The following TNS1 variants were observed in gnomAD, a reference collection of about 807,000 sequenced individuals.
TNS1 encodes tensin-1.
TNS1 carries 62 observed loss-of-function variants against 168.6 expected under a neutral mutation model. The ratio of observed to expected loss-of-function variants is 0.37; its 90% CI spans 0.30 to 0.45. The LOEUF is 0.45. TNS1 is among the 20% of genes least tolerant of loss of function. The pLI is 1.00. For missense variants in TNS1, 2,240 were observed against 2,339.4 expected (o/e 0.96, Z 0.88); for synonymous variants, 934 against 933.2 (o/e 1.00, Z -0.02).
At chr2:218,016,097 A>C (rs1958757512) in intron 1 of TNS1, among the ~76,000 whole-genome samples, 1 of 152,036 alleles carries the variant, frequency 6.6e-6, no homozygotes, top group Non-Finnish European at 1.5e-5. Context: ...GCCCGGTGGC[A>C]TCAGCACTAG....
intron 8 of TNS1, among the ~76,000 whole-genome samples, chr2:217,895,913 G>T (rs1952246273): frequency 1.3e-5 from 2 of 152,202 alleles, no homozygotes; most frequent in Non-Finnish European, 2.9e-5. Flanking sequence ...AGGGCACCAA[G>T]TCCCATAGAA....
intron 5 of TNS1, 31 bp from the exon 6 acceptor site, chr2:217,906,416 G>T (rs748666972): frequency 1.4e-6 from 1 of 702,706 alleles, no homozygotes; most frequent in African/African-American, 1.7e-5. Context: ...GTCAGAGAGG[G>T]GAGGCAAGAA....
At chr2:217,842,264 T>C in intron 19 of TNS1, 1 of 578,502 alleles carries the variant, frequency 1.7e-6, no homozygotes, top group Non-Finnish European at 3.1e-6. Context: ...CCTCTTCTCC[T>C]TAAACTCCTG....
At chr2:217,806,321 T>A (rs1939077110) in intron 32 of TNS1, among the ~76,000 whole-genome samples, 1 of 152,210 alleles carries the variant, frequency 6.6e-6, no homozygotes, top group Non-Finnish European at 1.5e-5. Flanking sequence ...AGATCTAACA[T>A]CTCCTTGAAT....
rs182071654 is a variant in TNS1 at position 217,966,075 on chromosome 2, C to A, written c.186+12690G>T. ...TCTCTCTGCTCTGGGCTCCTACCCT[C>A]CCCCTCTCTCTAACTCCTCTGGTCT... On this transcript the variant is annotated intron_variant, in intron 3 of 32. Transcript: ENST00000682258. Among the ~76,000 whole-genome samples the A allele has an allele frequency of 4.1e-4, 63 of 152,306 alleles. 2 individuals are homozygous for A. The highest frequency in any genetic ancestry group is 4.1e-3 in the Admixed American group (62 of 15,292).
At chr2:217,897,121 A>G (rs1952391799) in intron 8 of TNS1, among the ~76,000 whole-genome samples, 1 of 152,162 alleles carries the variant, frequency 6.6e-6, no homozygotes, top group Admixed American at 6.5e-5. Context: ...CTGAGGTTGT[A>G]CAGATCAGAT....
At chr2:217,961,386 C>A (rs1019747763) in intron 3 of TNS1, among the ~76,000 whole-genome samples, 3 of 152,232 alleles carry the variant, frequency 2.0e-5, no homozygotes, top group South Asian at 4.1e-4. Flanking sequence ...CTTTGGTCGG[C>A]ACCACCTTAG....
At chr2:217,833,441 C>A (rs1944733425) in intron 21 of TNS1, among the ~76,000 whole-genome samples, 1 of 152,266 alleles carries the variant, frequency 6.6e-6, no homozygotes, top group Non-Finnish European at 1.5e-5. Flanking sequence ...GTCTATGGAA[C>A]CTCTGACTTC....
At chr2:217,906,485 G>T in intron 5 of TNS1, 100 bp from the exon 6 acceptor site, 1 of 685,312 alleles carries the variant, frequency 1.5e-6, no homozygotes, top group East Asian at 2.7e-5. Context: ...GAGGTTGGCA[G>T]AGGGGCCTGG....
Position 217,836,124 on chromosome 2 carries a change from G to A in TNS1, c.3095C>T (p.Ser1032Phe). The A allele has an allele frequency of 6.2e-7, 1 of 1,614,116 alleles. No individual in the cohort carries two copies. Among genetic ancestry groups the A allele is most frequent in the South Asian group, 1.1e-5 (1 of 91,080 alleles). The change falls in exon 20 of 33, where the codon TCT becomes TTT. Residue 1032 changes from serine (S) to phenylalanine (F), a missense_variant. Physicochemically the swap from Ser to Phe is radical, Grantham distance 155. Transcript: ENST00000682258. ...GCTACGAGGGGATGTGGCTTCTGGA[G>A]ACTGGTTCTCATACTGTCCATCACT... ...AASDGQYENQ[S>F]PEATSPRSPG...
chr2:217,984,471 C>G (rs955558649), intron 2 of TNS1, among the ~76,000 whole-genome samples: 1 of 151,844 alleles, frequency 6.6e-6, no homozygotes, highest in Non-Finnish European at 1.5e-5. Context: ...TATATGCACC[C>G]AACTCTTTCT....
chr2:217,873,110 G>C (rs1379423948), intron 18 of TNS1, among the ~76,000 whole-genome samples: 1 of 152,158 alleles, frequency 6.6e-6, no homozygotes, highest in East Asian at 1.9e-4. Context: ...AGATTACGGT[G>C]ATGGTTGTAC....
chr2:217,996,969 C>T (rs975408265), intron 1 of TNS1, among the ~76,000 whole-genome samples: 10 of 151,952 alleles, frequency 6.6e-5, no homozygotes, highest in African/African-American at 1.9e-4. Context: ...CGGCTCCCTG[C>T]CCTGTGTCCA....
At chr2:217,935,521 G>A (rs1292376440) in intron 3 of TNS1, among the ~76,000 whole-genome samples, 1 of 151,842 alleles carries the variant, frequency 6.6e-6, no homozygotes, top group Non-Finnish European at 1.5e-5. Flanking sequence ...CCACTCCCAC[G>A]CTTGGCCTAG....
intron 1 of TNS1, among the ~76,000 whole-genome samples, chr2:218,008,333 C>A (rs74350679): frequency 0.027 from 4,149 of 152,314 alleles, 71 homozygotes; most frequent in Non-Finnish European, 0.036. Context: ...CAGCTCAAAT[C>A]CTGGCCCAGA....
rs114570411 is a variant in TNS1, at chr2:217,906,565, T to C, written c.271-180A>G. ...GGCCCCCTCAGAACTAACCAAATCC[T>C]CTCCTTTACAACTCACAGCCACTCC... On this transcript the variant is annotated intron_variant, in intron 5 of 32. Coordinates refer to ENST00000682258, the MANE Select transcript of TNS1 (RefSeq NM_001387777.1). Among the ~76,000 whole-genome samples, 641 of 152,288 alleles carry C rather than the reference T, an allele frequency of 4.2e-3. 5 individuals are homozygous for C. The highest frequency in any genetic ancestry group is 0.014 in the African/African-American group (601 of 41,564).
intron 22 of TNS1, among the ~76,000 whole-genome samples, chr2:217,822,528 C>T (rs1943029154): frequency 6.6e-6 from 1 of 152,230 alleles, no homozygotes; most frequent in Admixed American, 6.5e-5. Context: ...CTGCCTGACA[C>T]ACTCAGCATT....
chr2:217,834,201 T>C (rs1944856934), intron 21 of TNS1, among the ~76,000 whole-genome samples: 2 of 152,208 alleles, frequency 1.3e-5, no homozygotes, highest in South Asian at 4.1e-4. Flanking sequence ...AGGGGCCACG[T>C]ACATTGCCAC....
intron 19 of TNS1, among the ~76,000 whole-genome samples, chr2:217,842,436 C>G (rs1037915989): frequency 6.6e-6 from 1 of 152,192 alleles, no homozygotes; most frequent in African/African-American, 2.4e-5. Context: ...CAGACCTAAG[C>G]GTTGTCTCTG....
Sources: gnomAD v4.1 joint callset for allele counts (sites outside exome capture counted in the v4.1 genomes callset) on GRCh38, gnomAD v4.1.1 for gene constraint, MANE v1.5 for transcripts, NCBI Gene and HGNC (gene_info 2026-07-23, HGNC 2026-07-21) for gene names.